Variants in PWP1 observed in about 807,000 individuals in gnomAD.
PWP1 encodes the protein PWP1 homolog, endonuclein.
Under a neutral mutation model 69.9 loss-of-function variants are expected in PWP1, and 47 were observed. The observed-to-expected ratio is 0.67, with a 90% CI of 0.53 to 0.86. The LOEUF is 0.86. Ranked by LOEUF, PWP1 falls within the 40% of genes least tolerant of loss-of-function variation. The probability of loss-of-function intolerance (pLI) is 0.00; values close to 1 mark genes in which losing one functional copy is unlikely to be tolerated. For missense variants in PWP1, 551 were observed against 608.8 expected, an observed-to-expected ratio of 0.91 and a Z score of 1.00; for synonymous variants, 222 against 208.2, an observed-to-expected ratio of 1.07 and a Z score of -0.57.
intron 7 of PWP1, among the ~76,000 whole-genome samples, chr12:107,698,122 G>C (rs1485116498): frequency 6.6e-6 from 1 of 152,164 alleles, no homozygotes; most frequent in African/African-American, 2.4e-5. Flanking sequence ...AGCAGTTTAG[G>C]AGGCTGAGGC....
Position 107,688,783 on chromosome 12 carries a change from T to C in PWP1, c.300T>C (p.Tyr100=), listed in dbSNP as rs748622210. ...DELAEYDLDK[Y]DEEGDPDAET... ...TGGCTGAGTACGACTTAGATAAATA[T>C]GATGAGGAAGGTGACCCAGGTTAGT... The change falls in exon 3 of 15, where the codon TAT becomes TAC. Residue 100 remains tyrosine, a synonymous_variant. Coordinates refer to ENST00000412830, the MANE Select transcript of PWP1 (RefSeq NM_007062.3). 3.1e-6 allele frequency: 5 copies of C among 1,613,970 alleles called. No homozygotes were observed. The highest frequency in any genetic ancestry group is 1.6e-4 in the Middle Eastern group (1 of 6,062).
chr12:107,706,641 A>G (rs7398764), intron 11 of PWP1, among the ~76,000 whole-genome samples: 92,623 of 152,030 alleles, frequency 0.61, 28,599 homozygotes, highest in East Asian at 0.72. Context: ...TCCCAGCACC[A>G]TTTATTAAAT....
chr12:107,690,480 G>A (rs185387083), intron 3 of PWP1, among the ~76,000 whole-genome samples: 4 of 152,068 alleles, frequency 2.6e-5, no homozygotes, highest in South Asian at 2.1e-4. Flanking sequence ...TTTTGTGTGT[G>A]TGAGACGGAG....
intron 7 of PWP1, 76 bp downstream of exon 7, chr12:107,697,673 C>T (rs922077948): frequency 2.9e-5 from 40 of 1,390,810 alleles, no homozygotes; most frequent in African/African-American, 1.6e-4. Context: ...AGGGTAAGAC[C>T]GTACACTTTT....
chr12:107,688,387 A>G (rs1889414779), intron 1 of PWP1, 61 bp from the exon 2 acceptor site: 1 of 1,472,448 alleles, frequency 6.8e-7, no homozygotes, highest in Non-Finnish European at 9.2e-7. Context: ...ACTACTTTTT[A>G]ATTCAAATAA....
chr12:107,690,729 G>C (rs1038335648), intron 3 of PWP1, among the ~76,000 whole-genome samples: 2 of 152,180 alleles, frequency 1.3e-5, no homozygotes, highest in Non-Finnish European at 2.9e-5. Flanking sequence ...AAAAACTCCA[G>C]CAATGGGGAG....
intron 1 of PWP1, among the ~76,000 whole-genome samples, chr12:107,688,030 CAAAAAAAAAAAAAAAAAAA>C (rs56255249): frequency 5.3e-5 from 2 of 37,628 alleles, no homozygotes; most frequent in East Asian, 1.1e-3. Flanking sequence ...GACTCCGTCT[CAAAAAAAAAAAAAAAAAAA>C]AAAAAAAAAA....
intron 11 of PWP1, among the ~76,000 whole-genome samples, chr12:107,707,521 T>C (rs985281727): frequency 2.0e-4 from 31 of 152,338 alleles, no homozygotes; most frequent in Non-Finnish European, 3.8e-4. Context: ...CAGTATGATA[T>C]TGGCTGTGGG....
At chr12:107,704,030 G>C (rs2136283054) in intron 10 of PWP1, among the ~76,000 whole-genome samples, 1 of 152,332 alleles carries the variant, frequency 6.6e-6, no homozygotes, top group African/African-American at 2.4e-5. Flanking sequence ...AGAGGGCATG[G>C]ATATAGGGAG....
At chr12:107,695,172 A>G (rs927157369) in intron 5 of PWP1, among the ~76,000 whole-genome samples, 8 of 151,582 alleles carry the variant, frequency 5.3e-5, no homozygotes, top group Non-Finnish European at 1.2e-4. Flanking sequence ...AGGCTGAGGC[A>G]GGAGAATGGC....
chr12:107,692,916 T>G lies in PWP1; in HGVS notation c.405+17T>G. 6 of 1,613,676 alleles carry G rather than the reference T, an allele frequency of 3.7e-6. No homozygotes were observed. Among genetic ancestry groups the G allele is most frequent in the Non-Finnish European group, 5.1e-6 (6 of 1,179,898 alleles). ...AAAGATACAGTAAGTATTTACATCT[T>G]TTTTCTAATTATGCTCTTAAGTGTT... On this transcript the variant is annotated intron_variant, in intron 4 of 14. Transcript: ENST00000412830.
intron 7 of PWP1, chr12:107,697,950 G>A (rs776569396): frequency 8.3e-6 from 3 of 362,178 alleles, no homozygotes; most frequent in Non-Finnish European, 1.6e-5. Flanking sequence ...AAAAATTTCT[G>A]TTATCATGTT....
rs1207804824 is a variant in PWP1 at position 107,713,109 on chromosome 12, A to G, written c.*889A>G. ...ATTGGTGTAGCAACGTGGGTTCACC[A>G]AAACACCTTTTTATACAAAAGACAG... On this transcript the variant is annotated 3_prime_UTR_variant, in exon 15 of 15. Transcript: ENST00000412830. The G allele has an allele frequency of 1.3e-5, 2 of 152,244 alleles. No homozygotes were observed. Among genetic ancestry groups the G allele is most frequent in the Non-Finnish European group, 2.9e-5 (2 of 68,046 alleles). 9.4% of individuals were successfully genotyped at this position (152,244 alleles called of 1,614,324 possible). A position where few individuals can be genotyped will look rare whatever the true frequency, so the allele number is the denominator to read the frequency against.
At chr12:107,696,029 CTTTTTTTTT>C (rs397700499) in intron 5 of PWP1, among the ~76,000 whole-genome samples, 124 of 103,744 alleles carry the variant, frequency 1.2e-3, no homozygotes, top group African/African-American at 4.3e-3. Context: ...ATATTGGAAT[CTTTTTTTTT>C]TTTTTTTTTT....
chr12:107,685,835 G>A lies in PWP1; in HGVS notation c.-65G>A. ...GCAGATCCCTGAGCGTGTGGCAGCA[G>A]TGCGGTCGTGGTCCCTCCCTATGCA... On this transcript the variant is annotated 5_prime_UTR_variant, in exon 1 of 15. In the 5' UTR this introduces an upstream ATG that the reference lacks. Transcript: ENST00000412830. The A allele has an allele frequency of 6.4e-7, 1 of 1,556,856 alleles. No individual in the cohort carries two copies. The highest frequency in any genetic ancestry group is 8.9e-7 in the Non-Finnish European group (1 of 1,129,750).
At chr12:107,700,862 T>A (rs1402309331) in intron 8 of PWP1, among the ~76,000 whole-genome samples, 1 of 152,094 alleles carries the variant, frequency 6.6e-6, no homozygotes, top group Non-Finnish European at 1.5e-5. Flanking sequence ...CTAATGGGTA[T>A]GAAGTGGTAT....
intron 11 of PWP1, among the ~76,000 whole-genome samples, chr12:107,705,131 A>T (rs1394331848): frequency 6.6e-6 from 1 of 152,108 alleles, no homozygotes; most frequent in Admixed American, 6.6e-5. Context: ...AGTGATGAGA[A>T]TGCTAACCTG....
At position 107,693,479 on chromosome 12, in the gene PWP1, C is replaced by G. The variant is rs142279582; in HGVS notation, c.502+383C>G. Among the ~76,000 whole-genome samples the G allele has an allele frequency of 3.5e-3, 535 of 152,214 alleles. 5 individuals carry two copies. Among genetic ancestry groups the G allele is most frequent in the African/African-American group, 0.012 (507 of 41,530 alleles). ...AGGTGTGAGCCACCACACCTGGCCT[C>G]ATAGAGGTTTTTAATCTTTTATTTA... On this transcript the variant is annotated intron_variant, in intron 5 of 14. Transcript: ENST00000412830.
At chr12:107,687,866 T>C (rs1889399331) in intron 1 of PWP1, among the ~76,000 whole-genome samples, 1 of 151,642 alleles carries the variant, frequency 6.6e-6, no homozygotes, top group African/African-American at 2.4e-5. Flanking sequence ...ACCCAGTCTC[T>C]ACCAAAATAC....
Sources: allele counts gnomAD v4.1 joint callset (sites outside exome capture counted in the v4.1 genomes callset), GRCh38; gene constraint gnomAD v4.1.1; transcripts MANE v1.5; gene names NCBI Gene and HGNC (gene_info 2026-07-23, HGNC 2026-07-21).